Variants in CTNNA3 observed in about 807,000 individuals in gnomAD.
CTNNA3 encodes the protein catenin alpha 3.
In CTNNA3, 76 loss-of-function variants were observed where a neutral mutation model predicts 95.7. The observed-to-expected ratio is 0.79, with a 90% confidence interval of 0.66 to 0.96. The LOEUF (loss-of-function observed/expected upper bound fraction) is 0.96. Among genes scored for constraint, CTNNA3 ranks in the 40% least tolerant of loss-of-function variants. CTNNA3 has a pLI of 0.00. For missense variants in CTNNA3, 1,191 were observed against 1,089.8 expected, an observed-to-expected ratio of 1.09 and a Z score of -1.31; for synonymous variants, 431 against 374.4, an observed-to-expected ratio of 1.15 and a Z score of -1.74.
At chr10:67,167,355 T>C (rs1861818520) in intron 7 of CTNNA3, among the ~76,000 whole-genome samples, 1 of 152,130 alleles carries the variant, frequency 6.6e-6, no homozygotes. Context: ...ACCTAATTGT[T>C]ATCTCTCTGT....
In CTNNA3 at chr10:65,942,906, T is replaced by A. The variant is rs141763549; in HGVS notation, c.2401-22289A>T. Among the ~76,000 whole-genome samples, 533 of 152,212 alleles carry A rather than the reference T, an allele frequency of 3.5e-3. 2 individuals carry two copies. Among genetic ancestry groups the A allele is most frequent in the Non-Finnish European group, 5.6e-3 (378 of 68,006 alleles). ...TTGCCTCAGGTTTTAATTTGCAAAG[T>A]TGTGGTAAAACAACAGAGATTGCTA... On this transcript the variant is annotated intron_variant, in intron 17 of 17. Transcript: ENST00000433211.
intron 16 of CTNNA3, among the ~76,000 whole-genome samples, chr10:65,974,664 G>A (rs1031982603): frequency 6.6e-6 from 1 of 152,044 alleles, no homozygotes; most frequent in Admixed American, 6.6e-5. Context: ...CTGGGTGATT[G>A]CATCAATTGT....
chr10:66,582,149 T>C (rs191794814), intron 10 of CTNNA3, among the ~76,000 whole-genome samples: 4 of 151,944 alleles, frequency 2.6e-5, no homozygotes, highest in Admixed American at 2.6e-4. Flanking sequence ...TCCATGTGAA[T>C]TTTAGGATTG....
intron 6 of CTNNA3, among the ~76,000 whole-genome samples, chr10:67,182,608 C>T (rs903054644): frequency 1.1e-4 from 17 of 152,014 alleles, no homozygotes; most frequent in South Asian, 2.1e-4. Context: ...TAGGCAATAC[C>T]ATTCAGGACA....
intron 5 of CTNNA3, among the ~76,000 whole-genome samples, chr10:67,471,332 C>T (rs918059902): frequency 6.6e-6 from 1 of 152,152 alleles, no homozygotes; most frequent in African/African-American, 2.4e-5. Flanking sequence ...AACCACTGCA[C>T]CAGCAAAAAG....
chr10:66,925,222 G>A (rs1435324642), intron 7 of CTNNA3, among the ~76,000 whole-genome samples: 1 of 152,040 alleles, frequency 6.6e-6, no homozygotes, highest in African/African-American at 2.4e-5. Flanking sequence ...ACCTCCCCAA[G>A]TCTGTTTCCT....
chr10:66,748,485 T>A (rs1197529223), intron 9 of CTNNA3, among the ~76,000 whole-genome samples: 1 of 152,176 alleles, frequency 6.6e-6, no homozygotes, highest in African/African-American at 2.4e-5. Context: ...ATAATTAATA[T>A]CCTGGAGTTT....
At chr10:67,036,363 GTTTCAAGCAAT>G (rs1195453162) in intron 7 of CTNNA3, among the ~76,000 whole-genome samples, 22 of 151,728 alleles carry the variant, frequency 1.4e-4, no homozygotes, top group African/African-American at 5.1e-4. Context: ...TCTCCCTTCA[GTTTCAAGCAAT>G]TCTCCTGCCT....
intron 13 of CTNNA3, among the ~76,000 whole-genome samples, chr10:66,192,637 G>A (rs2086742157): frequency 6.6e-6 from 1 of 152,058 alleles, no homozygotes; most frequent in African/African-American, 2.4e-5. Flanking sequence ...CCCATTTCTA[G>A]TTTCACTACC....
rs976190298 is a variant in CTNNA3 at position 67,482,043 on chromosome 10, AAGATC to A, written c.579+39794_579+39798del. Among the ~76,000 whole-genome samples the A allele has an allele frequency of 3.6e-3, 549 of 152,186 alleles. 7 individuals are homozygous for A. The highest frequency in any genetic ancestry group is 0.013 in the African/African-American group (526 of 41,454). On this transcript the variant is annotated intron_variant, in intron 5 of 17. Transcript: ENST00000433211. ...TTGCTTGTTTTTCTCAGGTTTGTCA[AAGATC>A]AGATAGTTGTAGATATACGGCTTTA...
intron 14 of CTNNA3, among the ~76,000 whole-genome samples, chr10:66,092,643 T>G (rs1358033135): frequency 6.6e-6 from 1 of 151,964 alleles, no homozygotes; most frequent in Non-Finnish European, 1.5e-5. Context: ...ATATACCACT[T>G]AAATTCATGC....
chr10:67,299,763 C>T (rs1245890912), intron 5 of CTNNA3, among the ~76,000 whole-genome samples: 1 of 152,174 alleles, frequency 6.6e-6, no homozygotes, highest in African/African-American at 2.4e-5. Context: ...ACAGCCATTG[C>T]TACATTGCAA....
chr10:66,104,594 C>G (rs2081806909), intron 13 of CTNNA3, among the ~76,000 whole-genome samples: 1 of 152,198 alleles, frequency 6.6e-6, no homozygotes, highest in African/African-American at 2.4e-5. Context: ...CCTAATCTCT[C>G]TCCCATCCTC....
At chr10:66,081,525 A>C (rs2133645410) in intron 14 of CTNNA3, among the ~76,000 whole-genome samples, 1 of 152,258 alleles carries the variant, frequency 6.6e-6, no homozygotes, top group South Asian at 2.1e-4. Context: ...CACAAAAAAA[A>C]CTTTCTATAT....
intron 3 of CTNNA3, among the ~76,000 whole-genome samples, chr10:67,552,857 T>C (rs1841082935): frequency 6.6e-6 from 1 of 152,186 alleles, no homozygotes; most frequent in Non-Finnish European, 1.5e-5. Context: ...CATTTCTTTT[T>C]ATGGCTGCAT....
At chr10:67,443,076 G>C (rs1329460794) in intron 5 of CTNNA3, among the ~76,000 whole-genome samples, 3 of 149,758 alleles carry the variant, frequency 2.0e-5, no homozygotes, top group Non-Finnish European at 3.0e-5. Flanking sequence ...ATAGTTTACT[G>C]AGAATGATGA....
At chr10:66,766,228 C>G (rs1384207771) in intron 9 of CTNNA3, 36 bp downstream of exon 9, 2 of 1,602,552 alleles carry the variant, frequency 1.2e-6, no homozygotes, top group Non-Finnish European at 1.7e-6. Context: ...CCTCATTCTC[C>G]TGGACTTTAG....
intron 5 of CTNNA3, among the ~76,000 whole-genome samples, chr10:67,273,989 T>C (rs983124711): frequency 2.0e-5 from 3 of 152,170 alleles, no homozygotes; most frequent in Admixed American, 1.3e-4. Context: ...TTTGTATTCA[T>C]CAAAATGCAG....
intron 9 of CTNNA3, among the ~76,000 whole-genome samples, chr10:66,651,955 C>T (rs552229934): frequency 2.0e-5 from 3 of 151,844 alleles, no homozygotes; most frequent in South Asian, 2.1e-4. Context: ...AAGGAGGCAC[C>T]GAGAGCGAGC....
Sources: gnomAD v4.1 joint callset for allele counts (sites outside exome capture counted in the v4.1 genomes callset) on GRCh38, gnomAD v4.1.1 for gene constraint, MANE v1.5 for transcripts, NCBI Gene and HGNC (gene_info 2026-07-23, HGNC 2026-07-21) for gene names.